The following PTPRD variants were observed in gnomAD, a reference collection of about 807,000 sequenced individuals.
PTPRD encodes the protein protein tyrosine phosphatase receptor type D.
In PTPRD, 34 loss-of-function variants were observed where a neutral mutation model predicts 214.5. That is an observed-to-expected ratio of 0.16 (90% confidence interval 0.12 to 0.21). The LOEUF is 0.21. Ranked by LOEUF, PTPRD falls within the 10% of genes least tolerant of loss-of-function variation. The probability of loss-of-function intolerance (pLI) is 1.00; values close to 1 mark genes in which losing one functional copy is unlikely to be tolerated. For synonymous variants in PTPRD, 1,128 were observed against 845.7 expected, an observed-to-expected ratio of 1.33 and a Z score of -5.79; for missense variants, 2,545 against 2,398.7, an observed-to-expected ratio of 1.06 and a Z score of -1.27.
chr9:8,761,800 T>C (rs2094431915), intron 11 of PTPRD, among the ~76,000 whole-genome samples: 1 of 152,072 alleles, frequency 6.6e-6, no homozygotes, highest in African/African-American at 2.4e-5. Flanking sequence ...ATTTTAAAGG[T>C]CACTAAATTC....
chr9:10,126,181 G>A (rs1184680991), intron 3 of PTPRD, among the ~76,000 whole-genome samples: 1 of 152,038 alleles, frequency 6.6e-6, no homozygotes, highest in Non-Finnish European at 1.5e-5. Flanking sequence ...TACTCATACT[G>A]TTATTACAGT....
rs954782481 is a variant in PTPRD, at chr9:9,153,336, C to G, written c.-143+29968G>C. On this transcript the variant is annotated intron_variant, in intron 10 of 45. Transcript: ENST00000381196. ...AGTTAGCCAAGATGGAATCAGCTTA[C>G]ATTCTTGGCGCTGTATACGATATAA... Among the ~76,000 whole-genome samples the G allele has an allele frequency of 2.0e-5, 3 of 152,274 alleles. No individual in the cohort carries two copies. In the South Asian group the frequency reaches 6.2e-4, roughly 32 times the overall value.
chr9:9,046,619 TA>T (rs2099672824), intron 10 of PTPRD, among the ~76,000 whole-genome samples: 2 of 152,260 alleles, frequency 1.3e-5, no homozygotes, highest in Admixed American at 6.6e-5. Flanking sequence ...TACTCTATGA[TA>T]GGGGTCATAT....
chr9:9,900,349 C>A (rs896631178), intron 5 of PTPRD, among the ~76,000 whole-genome samples: 2 of 152,218 alleles, frequency 1.3e-5, no homozygotes, highest in African/African-American at 2.4e-5. Context: ...AATAATCACC[C>A]TTAAGTTCAA....
chr9:8,482,285 A>G (rs1243987632), intron 30 of PTPRD, among the ~76,000 whole-genome samples: 1 of 70,594 alleles, frequency 1.4e-5, no homozygotes, highest in Non-Finnish European at 3.0e-5. Flanking sequence ...AGCTACCAAT[A>G]ATGTATGCTG....
chr9:8,864,273 T>A (rs1033136320), intron 11 of PTPRD, among the ~76,000 whole-genome samples: 4 of 152,236 alleles, frequency 2.6e-5, no homozygotes, highest in Admixed American at 2.0e-4. Context: ...GATACAAAAG[T>A]ACTGCAGCAT....
rs548917014 is a variant in PTPRD, at chr9:9,787,917, G to T, written c.-367-21066C>A. Among the ~76,000 whole-genome samples, 29 of 151,884 alleles carry T rather than the reference G, an allele frequency of 1.9e-4. No individual in the cohort carries two copies. In the South Asian group the frequency reaches 5.8e-3, roughly 31 times the overall value. On this transcript the variant is annotated intron_variant, in intron 5 of 45. Coordinates refer to ENST00000381196, the MANE Select transcript of PTPRD (RefSeq NM_002839.4). The stretch of plus-strand genomic sequence containing the variant: ...CTGCCTTAGCCTCCTAAGTAGCTGG[G>T]ACTACAGGCGCCTGCCACCATGCCT...
intron 11 of PTPRD, among the ~76,000 whole-genome samples, chr9:8,807,411 C>T (rs1453302764): frequency 3.9e-5 from 6 of 152,082 alleles, no homozygotes; most frequent in African/African-American, 7.2e-5. Flanking sequence ...TCACAGACTC[C>T]AGCTTATTTG....
At chr9:9,409,088 T>A (rs994094100) in intron 8 of PTPRD, among the ~76,000 whole-genome samples, 1 of 152,016 alleles carries the variant, frequency 6.6e-6, no homozygotes, top group African/African-American at 2.4e-5. Flanking sequence ...AATATTCTTA[T>A]CTGACAAAGA....
intron 2 of PTPRD, among the ~76,000 whole-genome samples, chr9:10,549,491 G>A (rs1471293465): frequency 6.6e-6 from 1 of 152,160 alleles, no homozygotes; most frequent in Non-Finnish European, 1.5e-5. Context: ...CAGGATGAAG[G>A]TAGCAGGACT....
intron 7 of PTPRD, among the ~76,000 whole-genome samples, chr9:9,697,070 T>G (rs74862903): frequency 9.1e-4 from 139 of 152,266 alleles, no homozygotes; most frequent in African/African-American, 2.9e-3. Flanking sequence ...TTAAAACAAA[T>G]TGTACACTTT....
At chr9:8,929,629 G>C (rs569493560) in intron 11 of PTPRD, among the ~76,000 whole-genome samples, 2 of 150,170 alleles carry the variant, frequency 1.3e-5, no homozygotes. Context: ...ATGTTCATCA[G>C]GGCTATTGGG....
intron 3 of PTPRD, among the ~76,000 whole-genome samples, chr9:10,200,551 A>G (rs1440958333): frequency 1.3e-5 from 2 of 152,132 alleles, no homozygotes; most frequent in East Asian, 1.9e-4. Flanking sequence ...AGAGAAGACC[A>G]TATGACTGAC....
At chr9:8,820,174 A>G (rs913422526) in intron 11 of PTPRD, among the ~76,000 whole-genome samples, 2 of 152,178 alleles carry the variant, frequency 1.3e-5, no homozygotes, top group African/African-American at 4.8e-5. Flanking sequence ...ATATATGCAT[A>G]TCTGTAGCTT....
chr9:8,852,570 T>G (rs1338827859), intron 11 of PTPRD, among the ~76,000 whole-genome samples: 1 of 152,162 alleles, frequency 6.6e-6, no homozygotes, highest in African/African-American at 2.4e-5. Flanking sequence ...TCGTCGCAGG[T>G]GAAGAGGGAA....
chr9:10,310,618 G>A (rs2096243312), intron 3 of PTPRD, among the ~76,000 whole-genome samples: 1 of 152,062 alleles, frequency 6.6e-6, no homozygotes, highest in Admixed American at 6.6e-5. Context: ...ATGGAAATTT[G>A]GATCTTTCCC....
chr9:9,900,221 A>G (rs966290023), intron 5 of PTPRD, among the ~76,000 whole-genome samples: 1 of 152,182 alleles, frequency 6.6e-6, no homozygotes, highest in African/African-American at 2.4e-5. Flanking sequence ...TTTTAAATAA[A>G]AGTTCCAACT....
intron 34 of PTPRD, among the ~76,000 whole-genome samples, chr9:8,436,942 G>A (rs141475804): frequency 4.6e-5 from 7 of 152,262 alleles, no homozygotes; most frequent in Admixed American, 1.3e-4. Flanking sequence ...AAAAGAAAGC[G>A]TTATTGTGCT....
intron 21 of PTPRD, among the ~76,000 whole-genome samples, chr9:8,509,436 T>C (rs1592338263): frequency 6.6e-6 from 1 of 152,284 alleles, no homozygotes; most frequent in Middle Eastern, 3.4e-3. Flanking sequence ...TTTTATTTGC[T>C]TCTTTCTTTC....
Sources: gnomAD v4.1 joint callset for allele counts (sites outside exome capture counted in the v4.1 genomes callset) on GRCh38, gnomAD v4.1.1 for gene constraint, MANE v1.5 for transcripts, NCBI Gene and HGNC (gene_info 2026-07-23, HGNC 2026-07-21) for gene names.